The following BMP7 variants were observed in gnomAD, a reference collection of about 807,000 sequenced individuals.
BMP7 encodes bone morphogenetic protein 7.
A neutral mutation model predicts 41.2 loss-of-function variants in BMP7; 12 were observed. The ratio of observed to expected loss-of-function variants is 0.29; its 90% CI spans 0.19 to 0.47. BMP7 has a LOEUF of 0.47. Ranked by LOEUF, BMP7 falls within the 20% of genes least tolerant of loss-of-function variation. The pLI is 0.99. For synonymous variants in BMP7, 248 were observed against 250.0 expected (o/e 0.99, Z 0.07); for missense variants, 467 against 606.0 (o/e 0.77, Z 2.41).
chr20:57,229,820 A>T (rs963957498), intron 1 of BMP7, among the ~76,000 whole-genome samples: 1 of 152,228 alleles, frequency 6.6e-6, no homozygotes, highest in African/African-American at 2.4e-5. Flanking sequence ...GGACGGGAAC[A>T]CCATTGAGGA....
chr20:57,230,327 T>G (rs2066024278), intron 1 of BMP7, among the ~76,000 whole-genome samples: 1 of 152,074 alleles, frequency 6.6e-6, no homozygotes, highest in Non-Finnish European at 1.5e-5. Flanking sequence ...GGCAGCCACT[T>G]GGGAACCAAG....
chr20:57,234,654 A>AC (rs74182716), intron 1 of BMP7, among the ~76,000 whole-genome samples: 3 of 152,032 alleles, frequency 2.0e-5, no homozygotes, highest in Non-Finnish European at 2.9e-5. Context: ...AAACACTCCC[A>AC]GTAGCTGTGT....
intron 1 of BMP7, among the ~76,000 whole-genome samples, chr20:57,264,822 G>C (rs1167778583): frequency 6.6e-6 from 1 of 152,004 alleles, no homozygotes; most frequent in African/African-American, 2.4e-5. Flanking sequence ...ACCTGAGATC[G>C]GGAGTTCGAG....
Position 57,170,588 on chromosome 20 carries a change from C to T in BMP7, c.*371G>A, listed in dbSNP as rs12622. 5.1e-4 allele frequency: 172 copies of T among 338,724 alleles called. No homozygotes were observed. The highest frequency in any genetic ancestry group is 1.3e-3 in the East Asian group (17 of 13,234). The allele number at this position is 338,724 out of a possible 1,614,324, so 21.0% of individuals were successfully genotyped here. A position where few individuals can be genotyped will look rare whatever the true frequency, so the allele number is the denominator to read the frequency against. Reference sequence around the variant, plus strand: ...ACACCAATGTGCCCACCCCTTGCCACGCCCCCTTCCTCCCACGGCTGGGTG... The same window carrying T: ...ACACCAATGTGCCCACCCCTTGCCATGCCCCCTTCCTCCCACGGCTGGGTG... On this transcript the variant is annotated 3_prime_UTR_variant, in exon 7 of 7. Coordinates refer to ENST00000395863, the MANE Select transcript of BMP7 (RefSeq NM_001719.3).
Position 57,170,688 on chromosome 20 carries a change from T to G in BMP7, c.*271A>C, listed in dbSNP as rs150380468. 5 of 422,726 alleles carry G rather than the reference T, an allele frequency of 1.2e-5. No individual in the cohort carries two copies. The highest frequency in any genetic ancestry group is 1.1e-4 in the Admixed American group (3 of 28,374). The allele number at this position is 422,726 out of a possible 1,614,324, so 26.2% of individuals were successfully genotyped here. A position where few individuals can be genotyped will look rare whatever the true frequency, so the allele number is the denominator to read the frequency against. ...GGCTGAGACTTCCCAGCCAATGACC[T>G]GGCCCGGCCATTTTTCTTTATGCGT... is the stretch of plus-strand genomic sequence containing the variant. On this transcript the variant is annotated 3_prime_UTR_variant, in exon 7 of 7. Coordinates refer to ENST00000395863, the MANE Select transcript of BMP7 (RefSeq NM_001719.3).
At position 57,173,305 on chromosome 20, in the gene BMP7, C is replaced by T; in HGVS notation, c.1041G>A (p.Trp347Ter). Reference protein sequence around the residue: ...VSFRDLGWQDWIIAPEGYAAY... With the variant: ...VSFRDLGWQD ...CGGCGTAGCCTTCAGGCGCGATGATCCAGTCCTGAGGAGGAGAAGAGAGTG... is the reference window on the plus strand; with the variant it reads ...CGGCGTAGCCTTCAGGCGCGATGATTCAGTCCTGAGGAGGAGAAGAGAGTG... The change falls in exon 6 of 7, where the codon TGG (tryptophan) becomes TGA (stop). Residue 347 changes from tryptophan (W) to a stop codon, truncating the protein, a stop_gained. Coordinates refer to ENST00000395863, the MANE Select transcript of BMP7 (RefSeq NM_001719.3). LOFTEE classifies it high-confidence loss of function. The T allele has an allele frequency of 6.2e-7, 1 of 1,613,908 alleles. No homozygotes were observed.
intron 2 of BMP7, among the ~76,000 whole-genome samples, chr20:57,225,382 T>C (rs1284444194): frequency 6.6e-6 from 1 of 151,982 alleles, no homozygotes; most frequent in Non-Finnish European, 1.5e-5. Context: ...CCTAAAGAGG[T>C]CTTGCTCCAC....
intron 2 of BMP7, among the ~76,000 whole-genome samples, chr20:57,211,459 A>G (rs1984881867): frequency 6.6e-6 from 1 of 152,212 alleles, no homozygotes; most frequent in Non-Finnish European, 1.5e-5. Flanking sequence ...ATGATGTGGT[A>G]GGCAGAATAA....
rs187791457 is a variant in BMP7 at position 57,195,788 on chromosome 20, A to G, written c.760+6687T>C. 3.5e-4 allele frequency among the ~76,000 whole-genome samples: 53 copies of G among 152,368 alleles called. No individual in the cohort carries two copies. In the East Asian group the frequency reaches 6.9e-3, roughly 20 times the overall value. The stretch of plus-strand genomic sequence containing the variant: ...TTCAATCTGGAGTGAGCATGAAGTA[A>G]GACACGTGCTCTCGTGTGTCACAGG... On this transcript the variant is annotated intron_variant, in intron 3 of 6. Transcript: ENST00000395863.
chr20:57,211,843 C>G (rs1392174863), intron 2 of BMP7, among the ~76,000 whole-genome samples: 3 of 152,176 alleles, frequency 2.0e-5, no homozygotes, highest in African/African-American at 7.2e-5. Flanking sequence ...CTATGGACCC[C>G]CTGATTTGGG....
chr20:57,254,743 G>A lies in BMP7; in HGVS notation c.418+10962C>T, dbSNP rs569422842. 6.6e-5 allele frequency among the ~76,000 whole-genome samples: 10 copies of A among 152,042 alleles called. No individual in the cohort carries two copies. In the South Asian group the frequency reaches 1.9e-3, roughly 29 times the overall value. The stretch of plus-strand genomic sequence containing the variant: ...CCAGAGCTACACCTGCTTCTCTCTC[G>A]AATCCCCTGTTCATGCACATTTTGA... On this transcript the variant is annotated intron_variant, in intron 1 of 6. Transcript: ENST00000395863.
chr20:57,199,494 C>T (rs1275978008), intron 3 of BMP7, among the ~76,000 whole-genome samples: 1 of 152,188 alleles, frequency 6.6e-6, no homozygotes, highest in African/African-American at 2.4e-5. Flanking sequence ...ACATGTACCC[C>T]TAAAGCTACT....
At chr20:57,173,959 C>T (rs1238966967) in intron 5 of BMP7, among the ~76,000 whole-genome samples, 2 of 152,080 alleles carry the variant, frequency 1.3e-5, no homozygotes, top group Admixed American at 1.3e-4. Context: ...GAAATGTTGC[C>T]CAATAATCAA....
intron 1 of BMP7, among the ~76,000 whole-genome samples, chr20:57,231,759 G>A (rs112782793): frequency 9.9e-5 from 15 of 152,184 alleles, no homozygotes; most frequent in East Asian, 1.9e-4. Context: ...GTGGCTCCCC[G>A]CAAACCTCAG....
At chr20:57,233,299 T>C (rs1242739808) in intron 1 of BMP7, among the ~76,000 whole-genome samples, 1 of 152,052 alleles carries the variant, frequency 6.6e-6, no homozygotes, top group Non-Finnish European at 1.5e-5. Flanking sequence ...ACAAAGGACT[T>C]TCATCTTCAA....
intron 1 of BMP7, among the ~76,000 whole-genome samples, chr20:57,229,556 A>C (rs2180781): frequency 0.58 from 87,661 of 151,928 alleles, 25,418 homozygotes; most frequent in South Asian, 0.61. Flanking sequence ...AGGAATGACA[A>C]TGGGAGCCAC....
intron 3 of BMP7, 125 bp from the exon 4 acceptor site, chr20:57,184,044 AT>A (rs768372941): frequency 8.8e-6 from 10 of 1,136,622 alleles, no homozygotes; most frequent in Non-Finnish European, 1.3e-5. Flanking sequence ...TCCAGTAAGT[AT>A]TTATTGAGTA....
intron 3 of BMP7, among the ~76,000 whole-genome samples, chr20:57,195,390 C>A (rs1481091956): frequency 6.6e-6 from 1 of 152,232 alleles, no homozygotes; most frequent in Non-Finnish European, 1.5e-5. Context: ...GCCCAAGTGA[C>A]AAGTGAGAAC....
intron 3 of BMP7, among the ~76,000 whole-genome samples, chr20:57,198,636 C>T (rs1984556902): frequency 6.6e-6 from 1 of 152,166 alleles, no homozygotes; most frequent in Non-Finnish European, 1.5e-5. Context: ...AGGGAAAAGA[C>T]GCACGCTTCC....
Sources: allele counts gnomAD v4.1 joint callset (sites outside exome capture counted in the v4.1 genomes callset), GRCh38; gene constraint gnomAD v4.1.1; transcripts MANE v1.5; gene names NCBI Gene and HGNC (gene_info 2026-07-23, HGNC 2026-07-21).